NELL1: variants seen among roughly 807,000 people sequenced by gnomAD.
The protein encoded by NELL1 is neural EGFL like 1.
In NELL1, 76 loss-of-function variants were observed where a neutral mutation model predicts 107.4. The ratio of observed to expected loss-of-function variants is 0.71; its 90% CI spans 0.59 to 0.86. The LOEUF is 0.86. NELL1 is among the 40% of genes least tolerant of loss of function. The probability of loss-of-function intolerance (pLI) is 0.00; values close to 1 mark genes in which losing one functional copy is unlikely to be tolerated. For missense variants in NELL1, 1,024 were observed against 1,005.5 expected (o/e 1.02, Z -0.25); for synonymous variants, 353 against 341.2 (o/e 1.03, Z -0.38).
chr11:21,399,801 T>C (rs1289732046), intron 15 of NELL1, among the ~76,000 whole-genome samples: 1 of 151,744 alleles, frequency 6.6e-6, no homozygotes, highest in Non-Finnish European at 1.5e-5. Flanking sequence ...GTGAAAGCTA[T>C]GATACCGATG....
At chr11:21,541,562 T>G (rs144034679) in intron 16 of NELL1, among the ~76,000 whole-genome samples, 1 of 152,164 alleles carries the variant, frequency 6.6e-6, no homozygotes, top group Non-Finnish European at 1.5e-5. Context: ...AGGTGCTCTA[T>G]CTGTAAAAAT....
At chr11:20,917,573 AAAGTC>A (rs1181940163) in intron 5 of NELL1, among the ~76,000 whole-genome samples, 3 of 151,966 alleles carry the variant, frequency 2.0e-5, no homozygotes, top group African/African-American at 7.2e-5. Context: ...GAAAAATTCA[AAAGTC>A]AAGTCAATAT....
chr11:21,164,044 G>A (rs1385915233), intron 13 of NELL1, among the ~76,000 whole-genome samples: 2 of 152,112 alleles, frequency 1.3e-5, no homozygotes, highest in East Asian at 1.9e-4. Flanking sequence ...CAGAGAGAAG[G>A]CAGCAGTGTG....
intron 9 of NELL1, among the ~76,000 whole-genome samples, chr11:20,936,657 T>A (rs373776065): frequency 1.3e-4 from 20 of 151,946 alleles, no homozygotes; most frequent in African/African-American, 4.9e-4. Context: ...TACTGTCTAT[T>A]TCCCTGATTG....
chr11:20,789,015 T>C (rs921112394), intron 3 of NELL1, among the ~76,000 whole-genome samples: 8 of 152,218 alleles, frequency 5.3e-5, no homozygotes, highest in African/African-American at 1.9e-4. Context: ...GTGAATTGTA[T>C]TGGCACCCTG....
At chr11:21,488,772 G>A (rs890346019) in intron 15 of NELL1, among the ~76,000 whole-genome samples, 3 of 151,924 alleles carry the variant, frequency 2.0e-5, no homozygotes, top group Non-Finnish European at 4.4e-5. Context: ...AAAACCTGTG[G>A]GATACAGCAA....
At chr11:21,255,336 A>T (rs1215468827) in intron 14 of NELL1, among the ~76,000 whole-genome samples, 1 of 152,088 alleles carries the variant, frequency 6.6e-6, no homozygotes, top group Non-Finnish European at 1.5e-5. Context: ...GTGATGGAAA[A>T]GCAGAGAAAC....
intron 15 of NELL1, among the ~76,000 whole-genome samples, chr11:21,520,914 C>T (rs1377200920): frequency 2.0e-5 from 3 of 152,214 alleles, no homozygotes; most frequent in African/African-American, 4.8e-5. Flanking sequence ...AAAATAAATG[C>T]ATCTGGCTAT....
chr11:21,570,738 A>AC (rs1857081203), intron 17 of NELL1, 26 bp from the exon 18 acceptor site: 1 of 1,603,864 alleles, frequency 6.2e-7, no homozygotes, highest in East Asian at 2.2e-5. Flanking sequence ...AAATGATGAA[A>AC]CCTCCTTAAC....
chr11:21,285,213 A>G (rs892289259), intron 14 of NELL1, among the ~76,000 whole-genome samples: 1 of 152,164 alleles, frequency 6.6e-6, no homozygotes, highest in Non-Finnish European at 1.5e-5. Context: ...GGACATTCTT[A>G]TCTATTTTAG....
At chr11:21,395,814 A>G (rs563388853) in intron 15 of NELL1, among the ~76,000 whole-genome samples, 1 of 151,664 alleles carries the variant, frequency 6.6e-6, no homozygotes, top group Non-Finnish European at 1.5e-5. Flanking sequence ...TTGTGTCTCA[A>G]AGATGGAGCC....
At chr11:20,671,089 T>G (rs1206921010) in intron 1 of NELL1, 1 of 152,360 alleles carries the variant, frequency 6.6e-6, no homozygotes, top group Non-Finnish European at 1.5e-5. Flanking sequence ...ATGTTGAATA[T>G]GGATTTCTCA....
At chr11:20,827,741 C>A (rs1857915629) in intron 3 of NELL1, among the ~76,000 whole-genome samples, 1 of 151,300 alleles carries the variant, frequency 6.6e-6, no homozygotes, top group Non-Finnish European at 1.5e-5. Flanking sequence ...GAAATGAGTC[C>A]TAGCTCTGTG....
At chr11:21,488,276 A>G (rs147370036) in intron 15 of NELL1, among the ~76,000 whole-genome samples, 46 of 152,308 alleles carry the variant, frequency 3.0e-4, no homozygotes, top group African/African-American at 1.1e-3. Flanking sequence ...ATGTTAGGCA[A>G]CACAAAAATT....
At chr11:21,116,348 C>G (rs1855235523) in intron 13 of NELL1, among the ~76,000 whole-genome samples, 1 of 151,982 alleles carries the variant, frequency 6.6e-6, no homozygotes, top group African/African-American at 2.4e-5. Flanking sequence ...TCCTGGTCCC[C>G]TTCCCCTGTT....
intron 15 of NELL1, among the ~76,000 whole-genome samples, chr11:21,524,022 AC>A (rs1440440434): frequency 6.6e-6 from 1 of 152,052 alleles, no homozygotes; most frequent in Non-Finnish European, 1.5e-5. Context: ...AAATCTGTTC[AC>A]TATTCAACTC....
At chr11:21,018,817 T>C (rs568049548) in intron 12 of NELL1, among the ~76,000 whole-genome samples, 11 of 152,144 alleles carry the variant, frequency 7.2e-5, no homozygotes, top group Admixed American at 4.6e-4. Context: ...ATTTACCAAA[T>C]GGTATGAGTT....
At chr11:21,395,873 G>C (rs1273425036) in intron 15 of NELL1, among the ~76,000 whole-genome samples, 1 of 150,938 alleles carries the variant, frequency 6.6e-6, no homozygotes, top group South Asian at 2.1e-4. Flanking sequence ...AATCAACCAA[G>C]TGTGAGAATT....
chr11:21,493,106 G>T (rs542040042), intron 15 of NELL1, among the ~76,000 whole-genome samples: 16 of 152,118 alleles, frequency 1.1e-4, no homozygotes, highest in East Asian at 1.9e-4. Flanking sequence ...TAGTGAGTAT[G>T]CAGAGAAAAG....
Sources: gnomAD v4.1 joint callset for allele counts (sites outside exome capture counted in the v4.1 genomes callset) on GRCh38, gnomAD v4.1.1 for gene constraint, MANE v1.5 for transcripts, NCBI Gene and HGNC (gene_info 2026-07-23, HGNC 2026-07-21) for gene names.